Variants in RTN4RL1 observed in about 807,000 individuals in gnomAD.
RTN4RL1 encodes reticulon 4 receptor like 1.
A neutral mutation model predicts 25.6 loss-of-function variants in RTN4RL1; 7 were observed. That is an observed-to-expected ratio of 0.27 (90% confidence interval 0.16 to 0.51). The LOEUF (loss-of-function observed/expected upper bound fraction) is 0.51. Among genes scored for constraint, RTN4RL1 ranks in the 20% least tolerant of loss-of-function variants. RTN4RL1 has a pLI of 0.97. For missense variants in RTN4RL1, 500 were observed against 615.6 expected, an observed-to-expected ratio of 0.81 and a Z score of 1.99; for synonymous variants, 297 against 288.2, an observed-to-expected ratio of 1.03 and a Z score of -0.31.
At chr17:1,941,846 G>A (rs1268380889) in intron 1 of RTN4RL1, among the ~76,000 whole-genome samples, 1 of 152,170 alleles carries the variant, frequency 6.6e-6, no homozygotes, top group Non-Finnish European at 1.5e-5. Context: ...GGGTGCCCCA[G>A]TCTTGGACGG....
In RTN4RL1 at chr17:1,953,517, C is replaced by T. The variant is rs538597461; in HGVS notation, c.14-15709G>A. Among the ~76,000 whole-genome samples, 8 of 152,096 alleles carry T rather than the reference C, an allele frequency of 5.3e-5. No homozygotes were observed. In the East Asian group the frequency reaches 1.2e-3, roughly 22 times the overall value. ...TGTATACATATGTAACAAACCTGCA[C>T]GTTGTGCACATGTTCCCTAGAACTC... is the stretch of plus-strand genomic sequence containing the variant. On this transcript the variant is annotated intron_variant, in intron 1 of 1. Transcript: ENST00000331238.
chr17:1,976,593 G>C (rs1473960966), intron 1 of RTN4RL1, among the ~76,000 whole-genome samples: 1 of 152,194 alleles, frequency 6.6e-6, no homozygotes, highest in African/African-American at 2.4e-5. Context: ...GAGCTACAGT[G>C]GGGTACTTCC....
intron 1 of RTN4RL1, among the ~76,000 whole-genome samples, chr17:1,952,333 T>G (rs3934557): frequency 8.4e-4 from 26 of 31,002 alleles, no homozygotes; most frequent in Non-Finnish European, 1.2e-3. Context: ...GGGAGGTTGG[T>G]TTTTTTTTTT....
chr17:2,024,229 C>A (rs938526110), intron 1 of RTN4RL1, among the ~76,000 whole-genome samples: 1 of 152,244 alleles, frequency 6.6e-6, no homozygotes, highest in Non-Finnish European at 1.5e-5. Flanking sequence ...ACTGGCGGCA[C>A]GGCTTTCGCG....
intron 1 of RTN4RL1, chr17:2,003,609 G>C (rs2066973400): frequency 6.6e-6 from 1 of 152,328 alleles, no homozygotes; most frequent in African/African-American, 2.4e-5. Context: ...AGGCCAGAAG[G>C]ATTTAAAGCA....
rs113598335 is a variant in RTN4RL1 at position 2,001,497 on chromosome 17, C to T, written c.13+23356G>A. 474 of 152,284 alleles carry T rather than the reference C, an allele frequency of 3.1e-3. 1 individual carries two copies. The highest frequency in any genetic ancestry group is 2.6e-3 in the Non-Finnish European group (176 of 68,040). The allele number at this position is 152,284 out of a possible 1,614,324, so 9.4% of individuals were successfully genotyped here. A position where few individuals can be genotyped will look rare whatever the true frequency, so the allele number is the denominator to read the frequency against. On this transcript the variant is annotated intron_variant, in intron 1 of 1. Transcript: ENST00000331238. ...TCCTGACCTCGTGATCCGCCCGCCT[C>T]GGCCTCCCAAAGTGCTGGGATTACA...
intron 1 of RTN4RL1, among the ~76,000 whole-genome samples, chr17:1,966,787 C>T (rs528741166): frequency 6.6e-6 from 1 of 152,262 alleles, no homozygotes; most frequent in African/African-American, 2.4e-5. Context: ...CTACTGGTTC[C>T]TGGTTTAACA....
chr17:1,982,009 T>C (rs1597225740), intron 1 of RTN4RL1, among the ~76,000 whole-genome samples: 1 of 152,240 alleles, frequency 6.6e-6, no homozygotes, highest in South Asian at 2.1e-4. Context: ...AGTATTTATG[T>C]ATTGAAACTG....
intron 1 of RTN4RL1, among the ~76,000 whole-genome samples, chr17:1,952,732 TGCTCCTCTAGAGGAGCCGG>T (rs1354995633): frequency 6.6e-6 from 1 of 151,994 alleles, no homozygotes; most frequent in African/African-American, 2.4e-5. Context: ...GGCAACCATG[TGCTCCTCTAGAGGAGCCGG>T]GCTCCTCTCC....
At chr17:2,011,831 C>T (rs1238507331) in intron 1 of RTN4RL1, among the ~76,000 whole-genome samples, 1 of 152,182 alleles carries the variant, frequency 6.6e-6, no homozygotes, top group Non-Finnish European at 1.5e-5. Context: ...CCACGAGTCA[C>T]GTGTGAGTGG....
chr17:1,941,870 T>C (rs1361355188), intron 1 of RTN4RL1, among the ~76,000 whole-genome samples: 1 of 151,892 alleles, frequency 6.6e-6, no homozygotes, highest in Non-Finnish European at 1.5e-5. Flanking sequence ...CCCTGCTGGG[T>C]TTCTCCCAGG....
At chr17:1,983,465 C>T (rs976288929) in intron 1 of RTN4RL1, among the ~76,000 whole-genome samples, 5 of 152,224 alleles carry the variant, frequency 3.3e-5, no homozygotes, top group Non-Finnish European at 7.4e-5. Context: ...AATTCGGGAA[C>T]GAGGTTCACT....
chr17:1,944,532 T>C (rs1220600411), intron 1 of RTN4RL1, among the ~76,000 whole-genome samples: 1 of 152,180 alleles, frequency 6.6e-6, no homozygotes, highest in South Asian at 2.1e-4. Flanking sequence ...CTCGGCTCAC[T>C]GCAACTTCCA....
chr17:2,021,474 C>T (rs891447703), intron 1 of RTN4RL1, among the ~76,000 whole-genome samples: 2 of 151,888 alleles, frequency 1.3e-5, no homozygotes, highest in African/African-American at 4.8e-5. Flanking sequence ...TACACTCCCT[C>T]AGGTCCAGGA....
Position 1,937,007 on chromosome 17 carries a change from C to G in RTN4RL1, c.815G>C (p.Arg272Thr). Residue 272 changes from arginine (R) to threonine (T), a missense_variant, in exon 2 of 2, where the codon AGG (arginine) becomes ACG (threonine). Physicochemically the swap from Arg to Thr is moderately conservative, Grantham distance 71. Around this residue, in one of 2 missense-constraint regions of RTN4RL1, gnomAD observed 268 missense variants for 274.5 expected, o/e 0.98. Coordinates refer to ENST00000331238, the MANE Select transcript of RTN4RL1 (RefSeq NM_178568.4). ...RARSLWEWLQ[R>T]FRGSSSAVPC... ...GACAGCGGAGCTGGAGCCCCGGAAC[C>G]TCTGCAGCCATTCCCACAGGGAGCG... 6.2e-7 allele frequency: 1 copy of G among 1,604,594 alleles called. No homozygotes were observed. Among genetic ancestry groups the G allele is most frequent in the South Asian group, 1.1e-5 (1 of 90,284 alleles).
chr17:1,961,415 G>A (rs1401409231), intron 1 of RTN4RL1, among the ~76,000 whole-genome samples: 1 of 152,220 alleles, frequency 6.6e-6, no homozygotes, highest in Non-Finnish European at 1.5e-5. Context: ...CACGGTAGGA[G>A]TCACGTGACG....
intron 1 of RTN4RL1, among the ~76,000 whole-genome samples, chr17:2,002,372 A>G (rs2066964255): frequency 6.7e-6 from 1 of 149,982 alleles, no homozygotes; most frequent in Admixed American, 6.7e-5. Context: ...GGCTCACTGC[A>G]AGCTCCGCCT....
rs138004004 is a variant in RTN4RL1 at position 2,024,815 on chromosome 17, G to T, written c.13+38C>A. On this transcript the variant is annotated intron_variant, in intron 1 of 1. Coordinates refer to ENST00000331238, the MANE Select transcript of RTN4RL1 (RefSeq NM_178568.4). Reference sequence around the variant, plus strand: ...CCGGGCTCGCGGCTCTTTCCGGAGCGCATTCAACTTCAACTTGCCCCTGCG... The same window carrying T: ...CCGGGCTCGCGGCTCTTTCCGGAGCTCATTCAACTTCAACTTGCCCCTGCG... 9.0e-6 allele frequency: 14 copies of T among 1,555,216 alleles called. No homozygotes were observed. In the African/African-American group the frequency reaches 1.5e-4, roughly 17 times the overall value.
chr17:1,946,302 G>A (rs1021860281), intron 1 of RTN4RL1, among the ~76,000 whole-genome samples: 1 of 152,242 alleles, frequency 6.6e-6, no homozygotes, highest in African/African-American at 2.4e-5. Flanking sequence ...TGCAGGAAGG[G>A]GAGGGGCACA....
Sources: allele counts gnomAD v4.1 joint callset (sites outside exome capture counted in the v4.1 genomes callset), GRCh38; gene constraint gnomAD v4.1.1; regional missense constraint gnomAD v4.1.1; transcripts MANE v1.5; gene names NCBI Gene and HGNC (gene_info 2026-07-23, HGNC 2026-07-21).